Variants in IFT140 observed in about 807,000 individuals in gnomAD.
The protein encoded by IFT140 is intraflagellar transport protein 140 homolog.
Under a neutral mutation model 164.6 loss-of-function variants are expected in IFT140, and 133 were observed. The observed-to-expected ratio is 0.81, with a 90% CI of 0.70 to 0.93. The LOEUF (loss-of-function observed/expected upper bound fraction) is 0.93. Ranked by LOEUF, IFT140 falls within the 40% of genes least tolerant of loss-of-function variation. The probability of loss-of-function intolerance (pLI) is 0.00; values close to 1 mark genes in which losing one functional copy is unlikely to be tolerated. For synonymous variants in IFT140, 860 were observed against 817.3 expected (o/e 1.05, Z -0.89); for missense variants, 2,045 against 1,972.3 (o/e 1.04, Z -0.70).
At chr16:1,544,796 C>T (rs1275865074) in intron 19 of IFT140, among the ~76,000 whole-genome samples, 2 of 151,440 alleles carry the variant, frequency 1.3e-5, no homozygotes, top group African/African-American at 2.4e-5. Context: ...CTACAGGCAC[C>T]CGCCACCACG....
chr16:1,607,005 C>T, intron 3 of IFT140, 115 bp downstream of exon 3: 6 of 940,264 alleles, frequency 6.4e-6, no homozygotes, highest in Non-Finnish European at 9.9e-6. Flanking sequence ...TGCATGTATA[C>T]ACACACACAC....
chr16:1,561,675 G>A (rs928350048), intron 18 of IFT140, among the ~76,000 whole-genome samples: 1 of 152,242 alleles, frequency 6.6e-6, no homozygotes, highest in African/African-American at 2.4e-5. Flanking sequence ...TCGGGGAAAA[G>A]GCAAGGGGGA....
At chr16:1,511,417 C>T (rs1456870338) in intron 30 of IFT140, among the ~76,000 whole-genome samples, 1 of 152,158 alleles carries the variant, frequency 6.6e-6, no homozygotes, top group African/African-American at 2.4e-5. Context: ...GAGCCAGGGC[C>T]CTGGAAAGTC....
At chr16:1,519,736 TG>T in intron 29 of IFT140, 144 bp downstream of exon 29, 1 of 677,060 alleles carries the variant, frequency 1.5e-6, no homozygotes, top group Non-Finnish European at 2.2e-6. Context: ...CAGGAGGAGG[TG>T]GGGTGTGTCT....
chr16:1,543,048 T>A (rs2031799200), intron 19 of IFT140, among the ~76,000 whole-genome samples: 1 of 152,242 alleles, frequency 6.6e-6, no homozygotes, highest in Admixed American at 6.5e-5. Context: ...CTGAGAGGTT[T>A]GAAGACTGTG....
Position 1,520,279 on chromosome 16 carries a change from C to T in IFT140, c.3725G>A (p.Arg1242Lys). 6.2e-7 allele frequency: 1 copy of T among 1,614,214 alleles called. No individual in the cohort carries two copies. The highest frequency in any genetic ancestry group is 8.5e-7 in the Non-Finnish European group (1 of 1,180,046). Reference sequence around the variant, plus strand: ...AGCCATGATGTAGATTTCCTTCTGCCTGGACACGCTCGCGAAGAACGTGAT... The same window carrying T: ...AGCCATGATGTAGATTTCCTTCTGCTTGGACACGCTCGCGAAGAACGTGAT... ...EKITFFASVS[R>K]QKEIYIMAAN... Residue 1242 changes from arginine (R) to lysine (K), a missense_variant, in exon 28 of 31, where the codon AGG (arginine) becomes AAG (lysine). Physicochemically the swap from Arg to Lys is conservative, Grantham distance 26. Coordinates refer to ENST00000426508, the MANE Select transcript of IFT140 (RefSeq NM_014714.4).
rs1192730385 is a variant in IFT140, at chr16:1,553,784, C to T, written c.2399+4151G>A. The stretch of plus-strand genomic sequence containing the variant: ...CAGGGCCATGTGGACAGCCTCTCCT[C>T]CATCCTAGAGCCTATGTTTCCAGCT... On this transcript the variant is annotated intron_variant, in intron 19 of 30. Transcript: ENST00000426508. This position sits in a 1 kb window ranked among gnomAD's most constrained non-coding sequence, Gnocchi z 4.4. 1 of 1,184,496 alleles carries T rather than the reference C, an allele frequency of 8.4e-7. No individual in the cohort carries two copies. The highest frequency in any genetic ancestry group is 1.6e-5 in the African/African-American group (1 of 62,474). The allele number at this position is 1,184,496 out of a possible 1,614,324, so 73.4% of individuals were successfully genotyped here.
At chr16:1,518,166 A>G (rs1482574480) in intron 30 of IFT140, 50 bp downstream of exon 30, 1 of 1,590,408 alleles carries the variant, frequency 6.3e-7, no homozygotes, top group East Asian at 2.2e-5. Context: ...CCTTCGTTTC[A>G]GGAGCCTTGT....
rs1229216066 is a variant in IFT140, at chr16:1,520,245, GTAGT to G, written c.3755_3758del (p.Asn1252ThrfsTer14). 6.2e-7 allele frequency: 1 copy of G among 1,614,116 alleles called. No homozygotes were observed. The highest frequency in any genetic ancestry group is 8.5e-7 in the Non-Finnish European group (1 of 1,180,046). ...CCTTCCGCCAGTCCAGGGACTGCAGGTAGTTAGCAGCCATGATGTAGATTTCCTT... is the reference window on the plus strand; with the variant it reads ...CCTTCCGCCAGTCCAGGGACTGCAGGTAGCAGCCATGATGTAGATTTCCTT... On this transcript the variant is annotated frameshift_variant, in exon 28 of 31. Coordinates refer to ENST00000426508, the MANE Select transcript of IFT140 (RefSeq NM_014714.4). LOFTEE classifies it high-confidence loss of function.
At chr16:1,598,787 GC>G in intron 4 of IFT140, among the ~76,000 whole-genome samples, 1 of 152,344 alleles carries the variant, frequency 6.6e-6, no homozygotes, top group Middle Eastern at 3.4e-3. Flanking sequence ...GCAGCCGCCT[GC>G]CTTGGCCTCC....
intron 4 of IFT140, among the ~76,000 whole-genome samples, chr16:1,598,180 C>T (rs546236815): frequency 4.6e-5 from 7 of 152,146 alleles, no homozygotes; most frequent in South Asian, 4.1e-4. Flanking sequence ...AAATACAAGC[C>T]GGGTGCGGTG....
chr16:1,512,174 TGGG>T (rs1195012003), intron 30 of IFT140, among the ~76,000 whole-genome samples: 39 of 20,298 alleles, frequency 1.9e-3, no homozygotes, highest in Non-Finnish European at 2.1e-3. Context: ...GGGGGCAGGA[TGGG>T]GGGCAGGACA....
chr16:1,553,796 CTA>C lies in IFT140; in HGVS notation c.2399+4137_2399+4138del. On this transcript the variant is annotated intron_variant, in intron 19 of 30. Coordinates refer to ENST00000426508, the MANE Select transcript of IFT140 (RefSeq NM_014714.4). The surrounding 1 kb of genome is among the most constrained non-coding windows in gnomAD (Gnocchi z 4.4). The stretch of plus-strand genomic sequence containing the variant: ...GACAGCCTCTCCTCCATCCTAGAGC[CTA>C]TGTTTCCAGCTGGATTAGGACGCCC... The C allele has an allele frequency of 3.3e-6, 4 of 1,197,750 alleles. No individual in the cohort carries two copies. Among genetic ancestry groups the C allele is most frequent in the Non-Finnish European group, 4.2e-6 (4 of 946,660 alleles). The allele number at this position is 1,197,750 out of a possible 1,614,324, so 74.2% of individuals were successfully genotyped here. A position where few individuals can be genotyped will look rare whatever the true frequency, so the allele number is the denominator to read the frequency against.
chr16:1,576,011 C>T (rs959533864), intron 13 of IFT140, among the ~76,000 whole-genome samples: 2 of 152,134 alleles, frequency 1.3e-5, no homozygotes, highest in Non-Finnish European at 1.5e-5. Context: ...AAAGGCCAGG[C>T]GCAGTGGCTC....
At chr16:1,585,802 A>C (rs2034841480) in intron 10 of IFT140, among the ~76,000 whole-genome samples, 1 of 122,002 alleles carries the variant, frequency 8.2e-6, no homozygotes, top group African/African-American at 3.2e-5. Context: ...ACGGAGTCTC[A>C]CTCTGTCTCC....
chr16:1,536,659 G>A (rs978465473), intron 19 of IFT140, among the ~76,000 whole-genome samples: 2 of 152,158 alleles, frequency 1.3e-5, no homozygotes, highest in African/African-American at 4.8e-5. Flanking sequence ...CACCCAGGCT[G>A]GAGTGCAGCC....
intron 3 of IFT140, among the ~76,000 whole-genome samples, chr16:1,606,291 T>C (rs1271375281): frequency 6.6e-6 from 1 of 152,250 alleles, no homozygotes; most frequent in African/African-American, 2.4e-5. Context: ...TGTGGGGACA[T>C]TTCTGGTGAT....
intron 14 of IFT140, among the ~76,000 whole-genome samples, 172 bp downstream of exon 14, chr16:1,571,235 C>T (rs1369551510): frequency 6.6e-6 from 1 of 152,222 alleles, no homozygotes; most frequent in Non-Finnish European, 1.5e-5. Context: ...CACCACCAGG[C>T]AAAGGCCAGG....
intron 24 of IFT140, 61 bp downstream of exon 24, chr16:1,524,491 C>T (rs2040614686): frequency 6.3e-7 from 1 of 1,583,142 alleles, no homozygotes; most frequent in Non-Finnish European, 8.6e-7. Flanking sequence ...CACTTTTCCA[C>T]TTGAAGCTCT....
Sources: allele counts gnomAD v4.1 joint callset (sites outside exome capture counted in the v4.1 genomes callset), GRCh38; gene constraint gnomAD v4.1.1; non-coding constraint Gnocchi (gnomAD v3.1); transcripts MANE v1.5; gene names NCBI Gene and HGNC (gene_info 2026-07-23, HGNC 2026-07-21).